PPARGC1A: variants seen among roughly 807,000 people sequenced by gnomAD.
PPARGC1A encodes the protein peroxisome proliferator-activated receptor gamma coactivator 1-alpha.
Under a neutral mutation model 88.7 loss-of-function variants are expected in PPARGC1A, and 25 were observed. The observed-to-expected ratio is 0.28, with a 90% confidence interval of 0.21 to 0.39. PPARGC1A has a LOEUF of 0.39. Among genes scored for constraint, PPARGC1A ranks in the 10% least tolerant of loss-of-function variants. The pLI is 1.00. For synonymous variants in PPARGC1A, 363 were observed against 355.6 expected (o/e 1.02, Z -0.24); for missense variants, 880 against 968.7 (o/e 0.91, Z 1.22).
At chr4:23,835,979 A>T (rs1453335548) in intron 2 of PPARGC1A, among the ~76,000 whole-genome samples, 1 of 152,218 alleles carries the variant, frequency 6.6e-6, no homozygotes, top group Non-Finnish European at 1.5e-5. Flanking sequence ...GATGAAGCAC[A>T]CTGGCCTACT....
the PPARGC1A span, among the ~76,000 whole-genome samples, chr4:24,416,915 C>T: frequency 6.6e-6 from 1 of 152,000 alleles, no homozygotes; most frequent in African/African-American, 2.4e-5. Context: ...CCTGTAATCC[C>T]AGCTACTCGG....
chr4:24,196,711 C>T, the PPARGC1A span, among the ~76,000 whole-genome samples: 1 of 152,178 alleles, frequency 6.6e-6, no homozygotes, highest in African/African-American at 2.4e-5. Context: ...TGACAGTCTT[C>T]ATTTGATGGG....
the PPARGC1A span, among the ~76,000 whole-genome samples, chr4:24,311,471 TA>T: frequency 0.96 from 142,265 of 148,124 alleles, 68,572 homozygotes; most frequent in Non-Finnish European, 1. Context: ...CCATCTCTAC[TA>T]AAAAAAAAAT....
the PPARGC1A span, among the ~76,000 whole-genome samples, chr4:24,426,963 G>C: frequency 6.6e-6 from 1 of 152,176 alleles, no homozygotes; most frequent in Non-Finnish European, 1.5e-5. Context: ...TGTCAGGAAA[G>C]CTGCAAGAAT....
chr4:23,899,150 G>C (rs963926394), intron 1 of PPARGC1A: 1 of 152,120 alleles, frequency 6.6e-6, no homozygotes, highest in Non-Finnish European at 1.5e-5. Context: ...CCTAGCCCCT[G>C]AGGTGGACCT....
At chr4:24,179,865 G>A in the PPARGC1A span, among the ~76,000 whole-genome samples, 1 of 152,104 alleles carries the variant, frequency 6.6e-6, no homozygotes, top group African/African-American at 2.4e-5. Flanking sequence ...TTAATAAATA[G>A]AAGTTGGGAG....
the PPARGC1A span, among the ~76,000 whole-genome samples, chr4:24,420,861 G>A: frequency 6.6e-6 from 1 of 152,150 alleles, no homozygotes; most frequent in African/African-American, 2.4e-5. Context: ...CAATTCTGGA[G>A]CCTGGGAAGT....
the PPARGC1A span, among the ~76,000 whole-genome samples, chr4:23,999,969 G>C: frequency 6.6e-6 from 1 of 152,116 alleles, no homozygotes; most frequent in Non-Finnish European, 1.5e-5. Context: ...TTGATGAGAC[G>C]CAAGCACGTC....
the PPARGC1A span, among the ~76,000 whole-genome samples, chr4:24,387,896 A>AAGAG: frequency 1.5e-3 from 162 of 107,372 alleles, 8 homozygotes; most frequent in African/African-American, 6.1e-3. Context: ...GAAAGAAAGA[A>AAGAG]AAAGAAAGAG....
At chr4:24,472,759 C>T in the PPARGC1A span, among the ~76,000 whole-genome samples, 3 of 151,970 alleles carry the variant, frequency 2.0e-5, no homozygotes, top group Non-Finnish European at 4.4e-5. This position sits in a 1 kb window ranked among gnomAD's most constrained non-coding sequence, Gnocchi z 4.5. Flanking sequence ...CCGCCTGTGC[C>T]GGCTGCGTGT....
At chr4:24,418,334 G>A in the PPARGC1A span, among the ~76,000 whole-genome samples, 2 of 152,132 alleles carry the variant, frequency 1.3e-5, no homozygotes, top group South Asian at 2.1e-4. Context: ...GCTACATCAA[G>A]CGTTAACTAG....
chr4:24,313,979 T>C, the PPARGC1A span, among the ~76,000 whole-genome samples: 1 of 152,200 alleles, frequency 6.6e-6, no homozygotes, highest in Non-Finnish European at 1.5e-5. Flanking sequence ...TCAACTTGGA[T>C]AGGCTTCAAA....
chr4:23,983,906 T>C, the PPARGC1A span, among the ~76,000 whole-genome samples: 1 of 152,076 alleles, frequency 6.6e-6, no homozygotes, highest in Admixed American at 6.6e-5. Context: ...TTTCCTTTAT[T>C]GTCCTCCATG....
At chr4:24,136,385 A>G in the PPARGC1A span, among the ~76,000 whole-genome samples, 1 of 152,212 alleles carries the variant, frequency 6.6e-6, no homozygotes, top group Non-Finnish European at 1.5e-5. Flanking sequence ...ACAGTGTATC[A>G]CTAAACTTGT....
chr4:24,311,167 T>C, the PPARGC1A span, among the ~76,000 whole-genome samples: 1 of 131,962 alleles, frequency 7.6e-6, no homozygotes, highest in Non-Finnish European at 1.6e-5. Flanking sequence ...TGGCGAGATC[T>C]CGGCTCACTG....
the PPARGC1A span, among the ~76,000 whole-genome samples, chr4:23,954,583 A>G: frequency 6.6e-6 from 1 of 152,182 alleles, no homozygotes; most frequent in Non-Finnish European, 1.5e-5. Flanking sequence ...TAATTCTTAT[A>G]GATGCCAATC....
the PPARGC1A span, among the ~76,000 whole-genome samples, chr4:24,043,148 C>T: frequency 6.6e-6 from 1 of 152,240 alleles, no homozygotes; most frequent in Non-Finnish European, 1.5e-5. Context: ...CAGGAGATGA[C>T]TTTTGTTTAA....
chr4:24,003,820 A>ATTT, the PPARGC1A span, among the ~76,000 whole-genome samples: 2,761 of 146,800 alleles, frequency 0.019, 32 homozygotes, highest in Middle Eastern at 0.064. Flanking sequence ...GATCAGATTG[A>ATTT]TTTTTTTTTT....
At chr4:23,963,086 A>C in the PPARGC1A span, among the ~76,000 whole-genome samples, 1 of 152,184 alleles carries the variant, frequency 6.6e-6, no homozygotes, top group South Asian at 2.1e-4. Context: ...ATCTATCTGC[A>C]AAGTGACATT....
Sources: gnomAD v4.1 joint callset for allele counts (sites outside exome capture counted in the v4.1 genomes callset) on GRCh38, gnomAD v4.1.1 for gene constraint, Gnocchi (gnomAD v3.1) non-coding constraint, MANE v1.5 for transcripts, NCBI Gene and HGNC (gene_info 2026-07-23, HGNC 2026-07-21) for gene names.